HMCN2: variants seen among roughly 807,000 people sequenced by gnomAD.
HMCN2 encodes hemicentin-2.
In HMCN2, 325 loss-of-function variants were observed where a neutral mutation model predicts 377.5. The observed-to-expected ratio is 0.86, with a 90% confidence interval of 0.79 to 0.94. The LOEUF is 0.94. Among genes scored for constraint, HMCN2 ranks in the 40% least tolerant of loss-of-function variants. The probability of loss-of-function intolerance (pLI) is 0.00; values close to 1 mark genes in which losing one functional copy is unlikely to be tolerated. For synonymous variants in HMCN2, 2,007 were observed against 2,046.8 expected (o/e 0.98, Z 0.53); for missense variants, 4,543 against 4,725.3 (o/e 0.96, Z 1.13).
rs184540518 is a variant in HMCN2 at position 130,301,634 on chromosome 9, C to T, written c.1277-1223C>T. 1.8e-3 allele frequency among the ~76,000 whole-genome samples: 270 copies of T among 152,328 alleles called. 2 individuals are homozygous for T. The highest frequency in any genetic ancestry group is 6.1e-3 in the African/African-American group (254 of 41,578). ...CCGAGGACGTGGCTGGATGGTCAGA[C>T]ACCCCTCCCCCCCCGGGACAGATGT... On this transcript the variant is annotated intron_variant, in intron 8 of 97. Transcript: ENST00000683500.
At position 130,428,429 on chromosome 9, in the gene HMCN2, T is replaced by A. The variant is rs1844522529; in HGVS notation, c.14137T>A (p.Tyr4713Asn). ...GQRCVNLLGS[Y>N]RCLPDCGPGF... ...GCGCTGTGTGAACCTGCTCGGGTCC[T>A]ACCGCTGCCTCCCCGACTGTGGGCC... Residue 4713 changes from tyrosine to asparagine, a missense_variant, in exon 93 of 98, where the codon TAC becomes AAC. Physicochemically the swap from Tyr to Asn is moderately radical, Grantham distance 143. This residue lies in a region of HMCN2 where 1,155 missense variants were observed against 1,157.7 expected (regional missense o/e 1.00). Coordinates refer to ENST00000683500, the MANE Select transcript of HMCN2 (RefSeq NM_001291815.2). This position sits in a 1 kb window ranked among gnomAD's most constrained non-coding sequence, Gnocchi z 5.0. The A allele has an allele frequency of 6.5e-7, 1 of 1,546,848 alleles. No individual in the cohort carries two copies. Among genetic ancestry groups the A allele is most frequent in the African/African-American group, 1.4e-5 (1 of 73,178 alleles).
Position 130,294,880 on chromosome 9 carries a change from T to C in HMCN2, c.638T>C (p.Ile213Thr), listed in dbSNP as rs781856909. 4.3e-5 allele frequency: 20 copies of C among 462,982 alleles called. No homozygotes were observed. The highest frequency in any genetic ancestry group is 8.1e-5 in the Non-Finnish European group (18 of 222,988). 28.7% of individuals were successfully genotyped at this position (462,982 alleles called of 1,614,324 possible). The change falls in exon 5 of 98, where the codon ATC becomes ACC. Residue 213 changes from isoleucine to threonine, a missense_variant. Transcript: ENST00000683500. ...GTGCTGAAGTGGGTGGAGTCAGCGA[T>C]CCAGGCCTCCAAGGTGCACCTGCTG... ...TEVLKWVESA[I>T]QASKVHLLST...
At chr9:130,358,333 A>G (rs1840161643) in intron 35 of HMCN2, 57 bp from the exon 36 acceptor site, 5 of 1,301,848 alleles carry the variant, frequency 3.8e-6, no homozygotes, top group South Asian at 2.5e-5. Flanking sequence ...GCCACTCGCC[A>G]TGTCCCGTCA....
chr9:130,355,191 A>T, intron 32 of HMCN2, 147 bp downstream of exon 32: 1 of 656,258 alleles, frequency 1.5e-6, no homozygotes, highest in South Asian at 1.8e-5. Context: ...ACAGATGAGG[A>T]CGCTGAGGCC....
intron 19 of HMCN2, among the ~76,000 whole-genome samples, chr9:130,322,207 G>GTA (rs1837887279): frequency 1.3e-5 from 2 of 152,004 alleles, no homozygotes; most frequent in South Asian, 2.1e-4. Flanking sequence ...CCTATGTGTA[G>GTA]TATATATATA....
At chr9:130,333,072 G>T (rs909657953) in intron 22 of HMCN2, among the ~76,000 whole-genome samples, 6 of 152,176 alleles carry the variant, frequency 3.9e-5, no homozygotes, top group African/African-American at 1.2e-4. Context: ...AGGCGGTGAA[G>T]GGAGTGTGTG....
chr9:130,425,964 C>A, intron 90 of HMCN2, 40 bp downstream of exon 90: 1 of 1,445,338 alleles, frequency 6.9e-7, no homozygotes, highest in Non-Finnish European at 9.4e-7. Flanking sequence ...ACTGCCCCAG[C>A]TAAAACCTGC....
intron 83 of HMCN2, 50 bp from the exon 84 acceptor site, chr9:130,408,693 C>A (rs1269017780): frequency 3.9e-5 from 49 of 1,246,460 alleles, no homozygotes; most frequent in Non-Finnish European, 5.0e-5. Flanking sequence ...GGAGGCTGAG[C>A]CAGCAGGCAA....
chr9:130,397,519 C>T lies in HMCN2; in HGVS notation c.11199-9C>T, dbSNP rs1842664334. 3 of 1,289,662 alleles carry T rather than the reference C, an allele frequency of 2.3e-6. No individual in the cohort carries two copies. Among genetic ancestry groups the T allele is most frequent in the South Asian group, 2.5e-5 (2 of 81,016 alleles). 79.9% of individuals were successfully genotyped at this position (1,289,662 alleles called of 1,614,324 possible). On this transcript the variant is annotated splice_polypyrimidine_tract_variant and intron_variant, in intron 73 of 97. Coordinates refer to ENST00000683500, the MANE Select transcript of HMCN2 (RefSeq NM_001291815.2). ...TGCTCATCTCCAGGGCAACCCCCAT[C>T]CATTCTAGGTTTGAAATTCTGCCTG... is the stretch of plus-strand genomic sequence containing the variant.
In HMCN2 at chr9:130,292,656, A is replaced by G. The variant is rs186330164; in HGVS notation, c.613-2199A>G. On this transcript the variant is annotated intron_variant, in intron 4 of 97. Coordinates refer to ENST00000683500, the MANE Select transcript of HMCN2 (RefSeq NM_001291815.2). ...GGATTATATTATTCAATGTGTTTCA[A>G]TTGAGCACAGTTATTATTCTCTTTT... Among the ~76,000 whole-genome samples, 57 of 152,288 alleles carry G rather than the reference A, an allele frequency of 3.7e-4. No homozygotes were observed. The East Asian group carries it at 8.5e-3, about 23-fold the overall frequency.
At position 130,403,837 on chromosome 9, in the gene HMCN2, C is replaced by T. The variant is rs138970442; in HGVS notation, c.12110C>T (p.Ala4037Val). Reference sequence around the variant, plus strand: ...TATCTCTGCATCGCTAAGAACAGTGCGGGCAGTGCCATGGGGAAGACGCGG... The same window carrying T: ...TATCTCTGCATCGCTAAGAACAGTGTGGGCAGTGCCATGGGGAAGACGCGG... ...GNYLCIAKNS[A>V]GSAMGKTRLV... The change falls in exon 80 of 98, where the codon GCG becomes GTG. Residue 4037 changes from alanine (A) to valine (V), a missense_variant. Physicochemically the swap from Ala to Val is moderately conservative, Grantham distance 64. Transcript: ENST00000683500. 27 of 1,289,738 alleles carry T rather than the reference C, an allele frequency of 2.1e-5. No homozygotes were observed. Among genetic ancestry groups the T allele is most frequent in the East Asian group, 1.7e-4 (3 of 18,012 alleles). 79.9% of individuals were successfully genotyped at this position (1,289,738 alleles called of 1,614,324 possible). A position where few individuals can be genotyped will look rare whatever the true frequency, so the allele number is the denominator to read the frequency against.
rs1844933054 is a variant in HMCN2 at position 130,433,954 on chromosome 9, TCCA to T, written c.*262_*264del. ...GGCCCGGGGAAGCCCGGATCAGACC[TCCA>T]GGTCTGATCCGCCCCTCAGTGGGAG... On this transcript the variant is annotated 3_prime_UTR_variant, in exon 98 of 98. Transcript: ENST00000683500. The T allele has an allele frequency of 2.5e-6, 1 of 393,868 alleles. No homozygotes were observed. The highest frequency in any genetic ancestry group is 4.7e-5 in the Admixed American group (1 of 21,250). 24.4% of individuals were successfully genotyped at this position (393,868 alleles called of 1,614,324 possible).
chr9:130,421,703 A>G (rs1844023741), intron 86 of HMCN2, among the ~76,000 whole-genome samples: 1 of 152,216 alleles, frequency 6.6e-6, no homozygotes. Flanking sequence ...AGCATCGGAT[A>G]CTGATGAGAA....
chr9:130,427,184 T>C (rs2131822742), intron 90 of HMCN2, 129 bp from the exon 91 acceptor site: 2 of 954,638 alleles, frequency 2.1e-6, no homozygotes, highest in Admixed American at 2.2e-5. Context: ...GCTTGCTGAC[T>C]CTCTGGCACC....
At chr9:130,382,648 AG>A in intron 55 of HMCN2, 30 bp from the exon 56 acceptor site, 1 of 427,216 alleles carries the variant, frequency 2.3e-6, no homozygotes, top group Non-Finnish European at 3.0e-6. Context: ...GACCTGTGCC[AG>A]CCCCTCAGCC....
In HMCN2 at chr9:130,414,124, G is replaced by A. The variant is rs974307150; in HGVS notation, c.12961+3472G>A. 4.0e-5 allele frequency among the ~76,000 whole-genome samples: 6 copies of A among 151,876 alleles called. No homozygotes were observed. The South Asian group carries it at 8.3e-4, about 21-fold the overall frequency. ...CTGGGAGCCTCTAACTTCCACCCTC[G>A]CCCCTGTACCGAGGCACTGCTCTCC... On this transcript the variant is annotated intron_variant, in intron 85 of 97. Transcript: ENST00000683500. This position sits in a 1 kb window ranked among gnomAD's most constrained non-coding sequence, Gnocchi z 4.4.
intron 25 of HMCN2, among the ~76,000 whole-genome samples, chr9:130,346,184 G>C (rs1839383435): frequency 1.3e-5 from 2 of 152,110 alleles, no homozygotes; most frequent in Admixed American, 6.5e-5. Context: ...GCAGGTGAGA[G>C]CTAGGGCCAG....
intron 22 of HMCN2, among the ~76,000 whole-genome samples, chr9:130,329,147 C>T (rs1320836351): frequency 6.6e-6 from 1 of 152,210 alleles, no homozygotes; most frequent in Non-Finnish European, 1.5e-5. Flanking sequence ...TGGCAGCCAC[C>T]AGCCCCCCAT....
rs77000729 is a variant in HMCN2 at position 130,376,776 on chromosome 9, C to A, written c.8061+118C>A. 1,438 of 383,400 alleles carry A rather than the reference C, an allele frequency of 3.8e-3. 22 individuals are homozygous for A. Among genetic ancestry groups the A allele is most frequent in the African/African-American group, 0.029 (1,346 of 45,888 alleles). 23.7% of individuals were successfully genotyped at this position (383,400 alleles called of 1,614,324 possible). ...CACCTAGCCCTAGAGCTGGTCCGGG[C>A]CCCAGTCACCCTTTATTTATTTTAT... On this transcript the variant is annotated intron_variant, in intron 52 of 97. Transcript: ENST00000683500.
Sources: gnomAD v4.1 joint callset for allele counts (sites outside exome capture counted in the v4.1 genomes callset) on GRCh38, gnomAD v4.1.1 for gene constraint, gnomAD v4.1.1 regional missense constraint, Gnocchi (gnomAD v3.1) non-coding constraint, MANE v1.5 for transcripts, NCBI Gene and HGNC (gene_info 2026-07-23, HGNC 2026-07-21) for gene names.